SEZ6L2: variants seen among roughly 807,000 people sequenced by gnomAD.
SEZ6L2 encodes the protein seizure related 6 homolog like 2.
In SEZ6L2, 44 loss-of-function variants were observed where a neutral mutation model predicts 97.0. The observed-to-expected ratio is 0.45, with a 90% CI of 0.36 to 0.58. The LOEUF is 0.58. Among genes scored for constraint, SEZ6L2 ranks in the 20% least tolerant of loss-of-function variants. The pLI, the probability that SEZ6L2 is intolerant of heterozygous loss-of-function variation, is 0.00. For synonymous variants in SEZ6L2, 543 were observed against 546.1 expected (o/e 0.99, Z 0.08); for missense variants, 1,086 against 1,233.3 (o/e 0.88, Z 1.79).
chr16:29,898,423 T>TTCTCTC (rs112555002), intron 1 of SEZ6L2, among the ~76,000 whole-genome samples: 2,141 of 146,778 alleles, frequency 0.015, 59 homozygotes, highest in African/African-American at 0.052. Flanking sequence ...TGGCTGTCTT[T>TTCTCTC]TCTCTCTCTC....
chr16:29,889,653 G>A (rs60681698), intron 5 of SEZ6L2, among the ~76,000 whole-genome samples: 9,338 of 119,912 alleles, frequency 0.078, 1,017 homozygotes, highest in East Asian at 0.36. Context: ...TTTGAGATAG[G>A]GTCTCACTGT....
In SEZ6L2 at chr16:29,883,466, C is replaced by T. The variant is rs186821083; in HGVS notation, c.1372+2120G>A. On this transcript the variant is annotated intron_variant, in intron 8 of 17. Transcript: ENST00000617533. ...AGCTGGGACTAGAGGTGTGTGCCAC[C>T]ACACCTGGATAATTATTACTTTTTT... 2.0e-3 allele frequency among the ~76,000 whole-genome samples: 308 copies of T among 152,176 alleles called. 1 individual carries two copies. Among genetic ancestry groups the T allele is most frequent in the East Asian group, 8.1e-3 (42 of 5,174 alleles).
At chr16:29,877,564 C>CT in intron 10 of SEZ6L2, 97 bp from the exon 11 acceptor site, 1 of 1,146,996 alleles carries the variant, frequency 8.7e-7, no homozygotes, top group South Asian at 1.6e-5. Flanking sequence ...GTAGCCCCTC[C>CT]TACTCTCCAG....
rs1240620299 is a variant in SEZ6L2, at chr16:29,874,564, T to TGG, written c.2105-836_2105-835insCC. ...TGTGTGTGCTTGTTTTTTTTTTTTT[T>TGG]TTTTTTTTTTTTTTTTTTTTTTTTG... On this transcript the variant is annotated intron_variant, in intron 12 of 17. Coordinates refer to ENST00000617533, the MANE Select transcript of SEZ6L2 (RefSeq NM_001243332.2). Among the ~76,000 whole-genome samples, 860 of 92,140 alleles carry TGG rather than the reference T, an allele frequency of 9.3e-3. 144 individuals carry two copies. In the East Asian group the frequency reaches 0.19, roughly 21 times the overall value. 60.4% of individuals were successfully genotyped at this position (92,140 alleles called of 152,430 possible). A position where few individuals can be genotyped will look rare whatever the true frequency, so the allele number is the denominator to read the frequency against.
At chr16:29,885,994 C>T (rs1596978371) in intron 7 of SEZ6L2, 2 of 358,748 alleles carry the variant, frequency 5.6e-6, no homozygotes, top group East Asian at 9.4e-5. Context: ...AGTAACCTGT[C>T]CAAGGTCACA....
chr16:29,896,877 C>T lies in SEZ6L2; in HGVS notation c.456G>A (p.Glu152=). The T allele has an allele frequency of 6.2e-7, 1 of 1,613,640 alleles. No homozygotes were observed. The highest frequency in any genetic ancestry group is 8.5e-7 in the Non-Finnish European group (1 of 1,179,816). Residue 152 remains glutamate, a synonymous_variant, in exon 3 of 18, where the codon GAG becomes GAA. Transcript: ENST00000617533. The part of the protein sequence containing the change: ...PPLGPEGGEE[E]TTTTIITTTT... Reference sequence around the variant, plus strand: ...TCGTGGTGATGATGGTGGTCGTCGTCTCCTCCTCTCCTCCCTCAGGCCCAA... The same window carrying T: ...TCGTGGTGATGATGGTGGTCGTCGTTTCCTCCTCTCCTCCCTCAGGCCCAA...
rs368189849 is a variant in SEZ6L2, at chr16:29,893,281, G to A, written c.853+1978C>T. ...AGAGGCTGCGGTGAGCCAAGATTGCGCCATTGCATTCCAGCCTGGCCAACA... is the reference window on the plus strand; with the variant it reads ...AGAGGCTGCGGTGAGCCAAGATTGCACCATTGCATTCCAGCCTGGCCAACA... On this transcript the variant is annotated intron_variant, in intron 5 of 17. Coordinates refer to ENST00000617533, the MANE Select transcript of SEZ6L2 (RefSeq NM_001243332.2). 1.8e-4 allele frequency among the ~76,000 whole-genome samples: 27 copies of A among 151,980 alleles called. No individual in the cohort carries two copies. In the East Asian group the frequency reaches 3.3e-3, roughly 19 times the overall value.
intron 5 of SEZ6L2, among the ~76,000 whole-genome samples, chr16:29,894,083 C>A (rs929379177): frequency 1.3e-5 from 2 of 152,194 alleles, no homozygotes; most frequent in Non-Finnish European, 2.9e-5. Flanking sequence ...GTTGGCCAGG[C>A]AGGTCTTGAA....
At position 29,899,217 on chromosome 16, in the gene SEZ6L2, AC is replaced by A. The variant is rs2068479494; in HGVS notation, c.-199del. 2 of 539,022 alleles carry A rather than the reference AC, an allele frequency of 3.7e-6. No homozygotes were observed. Among genetic ancestry groups the A allele is most frequent in the Non-Finnish European group, 6.3e-6 (2 of 316,586 alleles). 33.4% of individuals were successfully genotyped at this position (539,022 alleles called of 1,614,324 possible). The stretch of plus-strand genomic sequence containing the variant: ...TTGGGCTAGGGGTCGCCTGGAGCCC[AC>A]CCCCCTTTGCTCAGTCTCCTCTGTC... On this transcript the variant is annotated 5_prime_UTR_variant, in exon 1 of 18. Transcript: ENST00000617533.
intron 2 of SEZ6L2, among the ~76,000 whole-genome samples, chr16:29,897,626 TCTGA>T (rs67781131): frequency 0.36 from 54,583 of 151,732 alleles, 10,018 homozygotes; most frequent in African/African-American, 0.45. Flanking sequence ...TGTTTTTCTG[TCTGA>T]CTGTCACCTA....
Position 29,873,721 on chromosome 16 carries a change from A to C in SEZ6L2, c.2113T>G (p.Cys705Gly). 1.3e-6 allele frequency: 2 copies of C among 1,581,320 alleles called. No individual in the cohort carries two copies. ...TTGGCAATCTCGCCAGGGTCAGCAC[A>C]AGTCATGACTGGTGGCAGAAGAACA... The part of the protein sequence containing the change: ...APPACQKIMT[C>G]ADPGEIANGH... Residue 705 changes from cysteine (C) to glycine (G), a missense_variant, in exon 13 of 18, where the codon TGT (cysteine) becomes GGT (glycine). By Grantham distance (159) the Cys-to-Gly change is radical. Coordinates refer to ENST00000617533, the MANE Select transcript of SEZ6L2 (RefSeq NM_001243332.2). The surrounding 1 kb of genome is among the most constrained non-coding windows in gnomAD (Gnocchi z 4.3).
At chr16:29,888,012 G>T (rs1343585080) in intron 6 of SEZ6L2, among the ~76,000 whole-genome samples, 195 bp from the exon 7 acceptor site, 1 of 152,160 alleles carries the variant, frequency 6.6e-6, no homozygotes, top group Non-Finnish European at 1.5e-5. Flanking sequence ...AACCAGCCCC[G>T]GTACGGGAGA....
chr16:29,878,941 C>T lies in SEZ6L2; in HGVS notation c.1574-516G>A, dbSNP rs186804299. On this transcript the variant is annotated intron_variant, in intron 9 of 17. Transcript: ENST00000617533. ...TTTTTTAGACAGAGTCTCACTCTGT[C>T]GCCCAGGCTGGAGTGCAGTGGCGCA... 4.3e-3 allele frequency among the ~76,000 whole-genome samples: 656 copies of T among 151,674 alleles called. 4 individuals are homozygous for T. Among genetic ancestry groups the T allele is most frequent in the African/African-American group, 0.015 (629 of 41,332 alleles).
chr16:29,879,187 G>C (rs1567414694), intron 9 of SEZ6L2, among the ~76,000 whole-genome samples: 1 of 151,718 alleles, frequency 6.6e-6, no homozygotes, highest in South Asian at 2.1e-4. Flanking sequence ...ACAGGCGTGA[G>C]ACACTGCTCC....
chr16:29,895,697 A>G, intron 4 of SEZ6L2, 24 bp downstream of exon 4: 1 of 1,603,524 alleles, frequency 6.2e-7, no homozygotes, highest in Non-Finnish European at 8.5e-7. Flanking sequence ...GAAGCTGCAC[A>G]GTCACATGCT....
At chr16:29,879,572 T>C (rs1339333774) in intron 9 of SEZ6L2, among the ~76,000 whole-genome samples, 1 of 152,154 alleles carries the variant, frequency 6.6e-6, no homozygotes, top group Non-Finnish European at 1.5e-5. Context: ...GTGTTCAATA[T>C]CCAGTCCTGC....
At chr16:29,872,072 TG>T (rs1567408116) in intron 17 of SEZ6L2, 114 bp downstream of exon 17, 1 of 841,892 alleles carries the variant, frequency 1.2e-6, no homozygotes, top group Non-Finnish European at 1.9e-6. Flanking sequence ...ACATGGCCTC[TG>T]GGGGCAGCTG....
chr16:29,894,341 C>T (rs2068333903), intron 5 of SEZ6L2, among the ~76,000 whole-genome samples: 1 of 152,146 alleles, frequency 6.6e-6, no homozygotes, highest in South Asian at 2.1e-4. Flanking sequence ...ATTCCTTCAC[C>T]TCATCTGGGG....
intron 12 of SEZ6L2, among the ~76,000 whole-genome samples, chr16:29,875,811 T>G (rs911466619): frequency 5.9e-5 from 9 of 152,002 alleles, no homozygotes; most frequent in African/African-American, 2.2e-4. Context: ...TACAGGCGTA[T>G]GCCACCATGC....
Sources: gnomAD v4.1 joint callset for allele counts (sites outside exome capture counted in the v4.1 genomes callset) on GRCh38, gnomAD v4.1.1 for gene constraint, Gnocchi (gnomAD v3.1) non-coding constraint, MANE v1.5 for transcripts, NCBI Gene and HGNC (gene_info 2026-07-23, HGNC 2026-07-21) for gene names.